PIK3CB: variants seen among roughly 807,000 people sequenced by gnomAD.
The protein encoded by PIK3CB is phosphatidylinositol-4,5-bisphosphate 3-kinase catalytic subunit beta.
Under a neutral mutation model 136.8 loss-of-function variants are expected in PIK3CB, and 39 were observed. The ratio of observed to expected loss-of-function variants is 0.29; its 90% confidence interval spans 0.22 to 0.37. PIK3CB has a LOEUF of 0.37. Among genes scored for constraint, PIK3CB ranks in the 10% least tolerant of loss-of-function variants. The pLI, the probability that PIK3CB is intolerant of heterozygous loss-of-function variation, is 1.00. For missense variants in PIK3CB, 868 were observed against 1,275.4 expected (o/e 0.68, Z 4.87); for synonymous variants, 428 against 436.6 (o/e 0.98, Z 0.25).
chr3:138,682,151 G>C, intron 18 of PIK3CB, 106 bp from the exon 19 acceptor site: 1 of 642,026 alleles, frequency 1.6e-6, no homozygotes, highest in African/African-American at 1.9e-5. Context: ...AACAAACTCT[G>C]TGCTAATATT....
rs2046068538 is a variant in PIK3CB at position 138,792,892 on chromosome 3, C to T, written c.-17+3571G>A. On this transcript the variant is annotated intron_variant, in intron 2 of 23. Transcript: ENST00000674063. ...TCCTGGGCTCATGAAATCTTCCTGCCTCAGCTTCCTCAGTAGCCAATATTA... is the reference window on the plus strand; with the variant it reads ...TCCTGGGCTCATGAAATCTTCCTGCTTCAGCTTCCTCAGTAGCCAATATTA... Among the ~76,000 whole-genome samples the T allele has an allele frequency of 3.3e-5, 5 of 152,232 alleles. No individual in the cohort carries two copies. The South Asian group carries it at 1.0e-3, about 32-fold the overall frequency.
At chr3:138,704,581 A>G in intron 11 of PIK3CB, 88 bp from the exon 12 acceptor site, 1 of 842,638 alleles carries the variant, frequency 1.2e-6, no homozygotes, top group Non-Finnish European at 2.0e-6. Flanking sequence ...CTTAGACTAC[A>G]TAAGATCTGG....
intron 8 of PIK3CB, among the ~76,000 whole-genome samples, chr3:138,723,403 T>C (rs2044769405): frequency 6.6e-6 from 1 of 151,862 alleles, no homozygotes; most frequent in African/African-American, 2.4e-5. Flanking sequence ...ATACAAAAAA[T>C]AGCCGGGCGT....
At chr3:138,692,487 T>C (rs1001175179) in intron 14 of PIK3CB, among the ~76,000 whole-genome samples, 3 of 152,210 alleles carry the variant, frequency 2.0e-5, no homozygotes, top group African/African-American at 7.2e-5. Context: ...GTGAAGCAAC[T>C]GGGAATTCAT....
At chr3:138,665,343 A>C in intron 19 of PIK3CB, 140 bp from the exon 20 acceptor site, 1 of 536,938 alleles carries the variant, frequency 1.9e-6, no homozygotes, top group Non-Finnish European at 3.1e-6. Context: ...TCATATGGAA[A>C]AACACAAGTT....
rs530374713 is a variant in PIK3CB, at chr3:138,760,467, T to G, written c.-16-1108A>C. ...ACGCACTATCCCAACAAATGCACCC[T>G]TTAATAGTGCCATTTAAGTCTTACC... is the stretch of plus-strand genomic sequence containing the variant. On this transcript the variant is annotated intron_variant, in intron 2 of 23. Transcript: ENST00000674063. Among the ~76,000 whole-genome samples, 16 of 152,292 alleles carry G rather than the reference T, an allele frequency of 1.1e-4. No individual in the cohort carries two copies. In the East Asian group the frequency reaches 3.1e-3, roughly 29 times the overall value.
At chr3:138,763,258 C>T (rs2045687319) in intron 2 of PIK3CB, among the ~76,000 whole-genome samples, 2 of 152,064 alleles carry the variant, frequency 1.3e-5, no homozygotes, top group Non-Finnish European at 2.9e-5. Context: ...CCTGCTTCAG[C>T]CTCCTGAGTA....
intron 1 of PIK3CB, among the ~76,000 whole-genome samples, chr3:138,829,113 TTTTA>T (rs1350300665): frequency 1.3e-5 from 2 of 151,944 alleles, no homozygotes; most frequent in African/African-American, 4.8e-5. Context: ...AATTTTTTTA[TTTTA>T]TTTATTTTTT....
At chr3:138,766,060 A>G (rs759284521) in intron 2 of PIK3CB, among the ~76,000 whole-genome samples, 10 of 152,224 alleles carry the variant, frequency 6.6e-5, no homozygotes, top group Non-Finnish European at 1.2e-4. Flanking sequence ...CCATGTCTCA[A>G]ATACATAAAC....
chr3:138,741,883 T>C (rs1347964789), intron 5 of PIK3CB, among the ~76,000 whole-genome samples: 1 of 151,990 alleles, frequency 6.6e-6, no homozygotes, highest in Non-Finnish European at 1.5e-5. Context: ...AGACCCTAGA[T>C]GCTAGAACCA....
intron 2 of PIK3CB, among the ~76,000 whole-genome samples, chr3:138,760,351 C>T (rs2045646394): frequency 1.3e-5 from 2 of 152,186 alleles, no homozygotes; most frequent in African/African-American, 4.8e-5. Context: ...TCCCATCACT[C>T]TACAGCCCGA....
intron 2 of PIK3CB, among the ~76,000 whole-genome samples, chr3:138,775,893 T>G (rs2045852306): frequency 6.6e-6 from 1 of 151,684 alleles, no homozygotes; most frequent in African/African-American, 2.4e-5. Context: ...TATAGCATTC[T>G]TTTAAATTAA....
Position 138,656,170 on chromosome 3 carries a change from G to A in PIK3CB, c.3047C>T (p.Thr1016Ile), listed in dbSNP as rs2043188045. The A allele has an allele frequency of 6.2e-7, 1 of 1,614,142 alleles. No homozygotes were observed. Among genetic ancestry groups the A allele is most frequent in the Non-Finnish European group, 8.5e-7 (1 of 1,180,010 alleles). The change falls in exon 23 of 24, where the codon ACA becomes ATA. Residue 1016 changes from threonine (T) to isoleucine (I), a missense_variant. Thr to Ile is a moderately conservative substitution (Grantham distance 89). Transcript: ENST00000674063. ...LMLTAGLPEL[T>I]SVKDIQYLKD... The stretch of plus-strand genomic sequence containing the variant: ...AAGATACTGTATATCTTTGACTGAT[G>A]TGAGTTCAGGAAGCCCTGCAGTCAA...
intron 2 of PIK3CB, among the ~76,000 whole-genome samples, chr3:138,793,012 TA>T (rs2046070128): frequency 1.3e-5 from 2 of 152,278 alleles, no homozygotes; most frequent in East Asian, 3.9e-4. Context: ...GGCATATAGT[TA>T]ATTAGTGGTG....
intron 8 of PIK3CB, 52 bp downstream of exon 8, chr3:138,733,309 G>A: frequency 1.3e-6 from 1 of 780,456 alleles, no homozygotes; most frequent in Non-Finnish European, 2.2e-6. Flanking sequence ...ATATCAGTGA[G>A]TTATTCAAAT....
chr3:138,810,161 T>C (rs890284952), intron 1 of PIK3CB, among the ~76,000 whole-genome samples: 17 of 152,052 alleles, frequency 1.1e-4, no homozygotes, highest in African/African-American at 2.9e-4. Flanking sequence ...AAGTACAAAA[T>C]AAATATCTAC....
chr3:138,823,701 C>T (rs1576434118), intron 1 of PIK3CB, among the ~76,000 whole-genome samples: 1 of 151,178 alleles, frequency 6.6e-6, no homozygotes, highest in South Asian at 2.1e-4. Flanking sequence ...GGCTCTGTCT[C>T]AAAAAATAAT....
chr3:138,825,282 G>A (rs1265041160), intron 1 of PIK3CB: 1 of 471,796 alleles, frequency 2.1e-6, no homozygotes, highest in African/African-American at 2.0e-5. Flanking sequence ...TGACTGTGCT[G>A]TTCTGATTGT....
At chr3:138,747,065 TA>T (rs2045371625) in intron 4 of PIK3CB, among the ~76,000 whole-genome samples, 1 of 23,602 alleles carries the variant, frequency 4.2e-5, no homozygotes, top group Non-Finnish European at 8.0e-5. Flanking sequence ...TATATATATA[TA>T]TATATATATA....
Sources: allele counts gnomAD v4.1 joint callset (sites outside exome capture counted in the v4.1 genomes callset), GRCh38; gene constraint gnomAD v4.1.1; transcripts MANE v1.5; gene names NCBI Gene and HGNC (gene_info 2026-07-23, HGNC 2026-07-21).